Variants in PP2D1 observed in about 807,000 individuals in gnomAD.
PP2D1 encodes protein phosphatase 2C-like domain-containing protein 1.
A neutral mutation model predicts 30.2 loss-of-function variants in PP2D1; 25 were observed. That is an observed-to-expected ratio of 0.83 (90% confidence interval 0.60 to 1.16). The LOEUF (loss-of-function observed/expected upper bound fraction) is 1.16, where lower values mean the gene tolerates loss of function less well. Ranked by LOEUF, PP2D1 falls within the 50% of genes most tolerant of loss-of-function variation. The pLI, the probability that PP2D1 is intolerant of heterozygous loss-of-function variation, is 0.00. For synonymous variants in PP2D1, 260 were observed against 258.9 expected (o/e 1.00, Z -0.04); for missense variants, 760 against 742.4 (o/e 1.02, Z -0.28).
downstream of PP2D1, among the ~76,000 whole-genome samples, chr3:19,981,391 C>T (rs925928855): frequency 6.6e-6 from 1 of 152,110 alleles, no homozygotes; most frequent in Admixed American, 6.6e-5. Flanking sequence ...GGGCTATCAC[C>T]TGAGGTCAGG....
At chr3:19,992,588 C>T (rs574222824) in intron 2 of PP2D1, among the ~76,000 whole-genome samples, 3 of 149,234 alleles carry the variant, frequency 2.0e-5, no homozygotes, top group Admixed American at 6.8e-5. Context: ...CTGCAAATAC[C>T]GCATTAGTGA....
At position 20,005,136 on chromosome 3, in the gene PP2D1, T is replaced by C. The variant is rs1475405801; in HGVS notation, c.24-3040A>G. Among the ~76,000 whole-genome samples, 4 of 113,170 alleles carry C rather than the reference T, an allele frequency of 3.5e-5. No individual in the cohort carries two copies. In the East Asian group the frequency reaches 8.1e-4, roughly 23 times the overall value. The allele number at this position is 113,170 out of a possible 152,430, so 74.2% of individuals were successfully genotyped here. On this transcript the variant is annotated intron_variant, in intron 1 of 2. Transcript: ENST00000389050. ...AAAAATAAATAAATAAATAACTTTATATATACATTTTTTTTTTTAAATTTA... is the reference window on the plus strand; with the variant it reads ...AAAAATAAATAAATAAATAACTTTACATATACATTTTTTTTTTTAAATTTA...
chr3:19,992,897 G>T (rs927400989), intron 2 of PP2D1, among the ~76,000 whole-genome samples: 2 of 152,204 alleles, frequency 1.3e-5, no homozygotes, highest in African/African-American at 4.8e-5. Context: ...AGCCAGCTGT[G>T]GTGGCGCAGG....
chr3:19,993,763 G>A (rs774561281), intron 2 of PP2D1, among the ~76,000 whole-genome samples: 3 of 151,816 alleles, frequency 2.0e-5, no homozygotes, highest in East Asian at 1.9e-4. Context: ...GTTTTGAGAC[G>A]GAGTCTCGCT....
chr3:19,996,291 G>T (rs571198676), intron 2 of PP2D1, among the ~76,000 whole-genome samples: 1 of 152,208 alleles, frequency 6.6e-6, no homozygotes, highest in East Asian at 1.9e-4. Flanking sequence ...AAGATCATTA[G>T]AGACTATTTG....
chr3:20,002,071 TC>T lies in PP2D1; in HGVS notation c.48del (p.Trp16Ter). 6.5e-7 allele frequency: 1 copy of T among 1,532,764 alleles called. No homozygotes were observed. The allele number at this position is 1,532,764 out of a possible 1,614,324, so 94.9% of individuals were successfully genotyped here. On this transcript the variant is annotated frameshift_variant, in exon 2 of 3. Coordinates refer to ENST00000389050, the MANE Select transcript of PP2D1 (RefSeq NM_001252657.2). LOFTEE classifies it high-confidence loss of function. Reference protein sequence around the residue: ...ALRVFWKSREWNMKTSTFDSD... With the variant: ...ALRVFWKSREXNMKTSTFDSD... The stretch of plus-strand genomic sequence containing the variant: ...GAATCAAATGTTGATGTTTTCATAT[TC>T]CATTCTCTTGATTTCCAAAACACTC...
At chr3:20,004,936 G>A (rs192202938) in intron 1 of PP2D1, among the ~76,000 whole-genome samples, 97 of 151,872 alleles carry the variant, frequency 6.4e-4, no homozygotes, top group African/African-American at 1.9e-3. Context: ...GTGAGGCCTC[G>A]TCTCTATTAA....
chr3:20,012,110 C>A lies in PP2D1; in HGVS notation c.-38G>T, dbSNP rs148377652. 1,089 of 1,508,260 alleles carry A rather than the reference C, an allele frequency of 7.2e-4. 7 individuals carry two copies. In the African/African-American group the frequency reaches 0.013, roughly 18 times the overall value. 93.4% of individuals were successfully genotyped at this position (1,508,260 alleles called of 1,614,324 possible). ...TTACCTTTCTTTGCCCTCCCTTTAT[C>A]CCCTTCCCCTGGCCTCTATTTCTCC... On this transcript the variant is annotated 5_prime_UTR_variant, in exon 1 of 3. Coordinates refer to ENST00000389050, the MANE Select transcript of PP2D1 (RefSeq NM_001252657.2).
chr3:19,983,705 C>T, downstream of PP2D1: 1 of 1,566,234 alleles, frequency 6.4e-7, no homozygotes, highest in African/African-American at 1.4e-5. Context: ...CATTTTCTTT[C>T]AGCTAAAAAA....
At chr3:19,990,933 G>A (rs35482904) in intron 2 of PP2D1, among the ~76,000 whole-genome samples, 55,663 of 151,830 alleles carry the variant, frequency 0.37, 10,500 homozygotes, top group Non-Finnish European at 0.42. Flanking sequence ...TTTGACTTTT[G>A]AAAAAGTTTA....
intron 1 of PP2D1, among the ~76,000 whole-genome samples, chr3:20,005,033 C>G (rs1256406055): frequency 6.6e-6 from 1 of 152,024 alleles, no homozygotes; most frequent in Non-Finnish European, 1.5e-5. Context: ...ATTTCTTGAG[C>G]CTGGGAGGTG....
At chr3:20,004,048 A>G (rs191844588) in intron 1 of PP2D1, among the ~76,000 whole-genome samples, 1 of 152,306 alleles carries the variant, frequency 6.6e-6, no homozygotes, top group African/African-American at 2.4e-5. Context: ...AGTGTGCAAT[A>G]ATGTGCTAGA....
At chr3:19,984,153 C>T (rs116062133), downstream of PP2D1, 4 of 406,848 alleles carry the variant, frequency 9.8e-6, no homozygotes, top group Non-Finnish European at 1.8e-5. Context: ...TTTCTCCACA[C>T]TGGTACAGTA....
rs1183924070 is a variant in PP2D1 at position 19,986,017 on chromosome 3, C to G, written c.1256G>C (p.Gly419Ala). The G allele has an allele frequency of 2.6e-6, 4 of 1,535,910 alleles. No individual in the cohort carries two copies. Among genetic ancestry groups the G allele is most frequent in the Non-Finnish European group, 3.5e-6 (4 of 1,146,868 alleles). ...LVEGQVKTTR[G>A]LGFHGNLKLK... The stretch of plus-strand genomic sequence containing the variant: ...CTTGAGATTTCCATGAAATCCAAGT[C>G]CTCGTGTAGTTTTTACTTGCCCCTC... Residue 419 changes from glycine (G) to alanine (A), a missense_variant, in exon 3 of 3, where the codon GGA becomes GCA. Physicochemically the swap from Gly to Ala is moderately conservative, Grantham distance 60. Transcript: ENST00000389050.
chr3:20,000,351 A>G (rs1291659175), intron 2 of PP2D1, among the ~76,000 whole-genome samples: 3 of 152,212 alleles, frequency 2.0e-5, no homozygotes, highest in African/African-American at 7.2e-5. Flanking sequence ...AATTCTATCT[A>G]TGAAAAGGGT....
At position 20,001,882 on chromosome 3, in the gene PP2D1, G is replaced by GA. The variant is rs1474683477; in HGVS notation, c.237dup (p.Leu80SerfsTer3). 6.5e-7 allele frequency: 1 copy of GA among 1,536,184 alleles called. No homozygotes were observed. The highest frequency in any genetic ancestry group is 8.7e-7 in the Non-Finnish European group (1 of 1,146,908). On this transcript the variant is annotated frameshift_variant, in exon 2 of 3. Transcript: ENST00000389050. LOFTEE classifies it high-confidence loss of function. ...AGAGCTACATGTTGCTTCTTATGGAGAAAAATACCAGTTAGGTCAATTTCG... is the reference window on the plus strand; with the variant it reads ...AGAGCTACATGTTGCTTCTTATGGAGAAAAAATACCAGTTAGGTCAATTTCG...
intron 1 of PP2D1, among the ~76,000 whole-genome samples, chr3:20,011,347 A>T (rs1321837419): frequency 2.6e-5 from 4 of 152,232 alleles, no homozygotes; most frequent in Non-Finnish European, 5.9e-5. Context: ...TTGGGACAAT[A>T]TATAAAGCAC....
intron 2 of PP2D1, among the ~76,000 whole-genome samples, chr3:19,999,919 A>C (rs1697231017): frequency 6.6e-6 from 1 of 152,162 alleles, no homozygotes; most frequent in Admixed American, 6.6e-5. Flanking sequence ...GTGGACATGC[A>C]CTTAGCTTTC....
At chr3:20,002,220 T>C (rs886761076) in intron 1 of PP2D1, 124 bp from the exon 2 acceptor site, 40 of 627,720 alleles carry the variant, frequency 6.4e-5, no homozygotes, top group Non-Finnish European at 1.0e-4. Context: ...GGATTAAATA[T>C]TCTGAGTCAT....
Sources: allele counts gnomAD v4.1 joint callset (sites outside exome capture counted in the v4.1 genomes callset), GRCh38; gene constraint gnomAD v4.1.1; transcripts MANE v1.5; gene names NCBI Gene and HGNC (gene_info 2026-07-23, HGNC 2026-07-21).